INVS: variants seen among roughly 807,000 people sequenced by gnomAD.
The protein encoded by INVS is inversion of embryo turning homolog.
INVS carries 86 observed loss-of-function variants against 108.8 expected under a neutral mutation model. The observed-to-expected ratio is 0.79, with a 90% CI of 0.66 to 0.95. The LOEUF is 0.95. Ranked by LOEUF, INVS falls within the 40% of genes least tolerant of loss-of-function variation. The probability of loss-of-function intolerance (pLI) is 0.00; values close to 1 mark genes in which losing one functional copy is unlikely to be tolerated. For synonymous variants in INVS, 455 were observed against 473.5 expected (o/e 0.96, Z 0.51); for missense variants, 1,169 against 1,297.4 (o/e 0.90, Z 1.52).
chr9:100,220,452 T>G (rs1831111266), intron 3 of INVS, among the ~76,000 whole-genome samples: 1 of 152,230 alleles, frequency 6.6e-6, no homozygotes, highest in Non-Finnish European at 1.5e-5. Context: ...TTCAGAAGCA[T>G]GATGGACCTG....
intron 3 of INVS, among the ~76,000 whole-genome samples, chr9:100,133,647 C>T (rs866145535): frequency 6.6e-6 from 1 of 151,994 alleles, no homozygotes; most frequent in Non-Finnish European, 1.5e-5. Flanking sequence ...AAAAGTCTGG[C>T]AATCAATATT....
At chr9:100,172,639 T>C (rs1032645363) in intron 3 of INVS, among the ~76,000 whole-genome samples, 1 of 152,174 alleles carries the variant, frequency 6.6e-6, no homozygotes, top group Non-Finnish European at 1.5e-5. Context: ...GGAGGGGACA[T>C]TGAGCTGCAC....
intron 11 of INVS, among the ~76,000 whole-genome samples, chr9:100,267,215 A>G (rs1397393577): frequency 1.3e-5 from 2 of 152,294 alleles, no homozygotes; most frequent in Non-Finnish European, 2.9e-5. Context: ...AAGTAACTGC[A>G]TGAATTAAGG....
rs758749704 is a variant in INVS, at chr9:100,300,548, C to T, written c.3092-20C>T. The T allele has an allele frequency of 1.4e-6, 2 of 1,412,044 alleles. No homozygotes were observed. Among genetic ancestry groups the T allele is most frequent in the South Asian group, 1.2e-5 (1 of 86,896 alleles). The allele number at this position is 1,412,044 out of a possible 1,614,324, so 87.5% of individuals were successfully genotyped here. On this transcript the variant is annotated intron_variant, in intron 16 of 16. Transcript: ENST00000262457. ...TAAAATTAATAACCTTAATATCTAT[C>T]TGGTATTTGTTTTTAACAGTGAGCA...
At chr9:100,181,523 A>C (rs1023887589) in intron 3 of INVS, among the ~76,000 whole-genome samples, 1 of 152,208 alleles carries the variant, frequency 6.6e-6, no homozygotes, top group Non-Finnish European at 1.5e-5. Context: ...CAATTGCTAC[A>C]AAGAGAATAA....
chr9:100,175,102 G>GA (rs1373023682), intron 3 of INVS: 1 of 255,798 alleles, frequency 3.9e-6, no homozygotes, highest in Non-Finnish European at 7.7e-6. Context: ...ACATCTTCCA[G>GA]AAAAACAGTC....
intron 14 of INVS, among the ~76,000 whole-genome samples, chr9:100,295,301 T>C (rs1370049864): frequency 6.6e-6 from 1 of 152,140 alleles, no homozygotes; most frequent in African/African-American, 2.4e-5. Flanking sequence ...TGGTCTAACA[T>C]GCCCACCTGC....
At chr9:100,222,302 A>G (rs7856932) in intron 3 of INVS, among the ~76,000 whole-genome samples, 25,895 of 152,162 alleles carry the variant, frequency 0.17, 3,295 homozygotes, top group African/African-American at 0.36. Context: ...CATATGCATA[A>G]TAACTTCAGG....
chr9:100,161,364 CAAAAA>C (rs35392930), intron 3 of INVS, among the ~76,000 whole-genome samples: 4 of 12,370 alleles, frequency 3.2e-4, no homozygotes, highest in Non-Finnish European at 4.7e-4. Flanking sequence ...ACTTCCATCT[CAAAAA>C]AAAAAAAAAA....
intron 4 of INVS, among the ~76,000 whole-genome samples, 172 bp from the exon 5 acceptor site, chr9:100,229,488 T>G (rs921120396): frequency 1.3e-5 from 2 of 152,190 alleles, no homozygotes; most frequent in Admixed American, 1.3e-4. Context: ...AATGTTCTAT[T>G]TAATATATTT....
intron 11 of INVS, among the ~76,000 whole-genome samples, chr9:100,272,216 A>G (rs1042443215): frequency 3.3e-5 from 5 of 152,104 alleles, no homozygotes; most frequent in African/African-American, 1.2e-4. Context: ...AAGACTTCCA[A>G]CATCATTTTT....
chr9:100,169,598 G>T (rs544750602), intron 3 of INVS, among the ~76,000 whole-genome samples: 1 of 152,228 alleles, frequency 6.6e-6, no homozygotes, highest in South Asian at 2.1e-4. Context: ...ATTAAATTCA[G>T]TGCATTGCTG....
rs1272714859 is a variant in INVS, at chr9:100,252,924, C to T, written c.1252C>T (p.Leu418=). 4 of 1,613,468 alleles carry T rather than the reference C, an allele frequency of 2.5e-6. No homozygotes were observed. In the Admixed American group the frequency reaches 5.0e-5, roughly 20 times the overall value. The change falls in exon 10 of 17, where the codon CTA becomes TTA. Residue 418 remains leucine (L), a synonymous_variant. Coordinates refer to ENST00000262457, the MANE Select transcript of INVS (RefSeq NM_014425.5). ...TLIKGGARVD[L]VDQDGHSLLH... The stretch of plus-strand genomic sequence containing the variant: ...TTTTCCAGGTGGAGCAAGGGTAGAT[C>T]TAGTTGACCAAGATGGACATTCTCT...
rs939220313 is a variant in INVS at position 100,301,556 on chromosome 9, G to A, written c.*882G>A. On this transcript the variant is annotated 3_prime_UTR_variant, in exon 17 of 17. Transcript: ENST00000262457. ...TTCTGTTGGCAGGGAAGAATGAAAC[G>A]GCACACATCCTAGCATTCTAAGAAC... 4.6e-5 allele frequency among the ~76,000 whole-genome samples: 7 copies of A among 152,110 alleles called. No homozygotes were observed. The highest frequency in any genetic ancestry group is 2.1e-4 in the South Asian group (1 of 4,822).
chr9:100,291,231 T>C (rs772289256), intron 13 of INVS, among the ~76,000 whole-genome samples: 1 of 152,010 alleles, frequency 6.6e-6, no homozygotes, highest in Non-Finnish European at 1.5e-5. Context: ...GCCCAGCTAA[T>C]TTTCGTATTT....
chr9:100,289,852 T>C (rs1005477321), intron 13 of INVS, among the ~76,000 whole-genome samples: 3 of 152,248 alleles, frequency 2.0e-5, no homozygotes, highest in Non-Finnish European at 4.4e-5. Context: ...TGTATGGACA[T>C]AAGTTTTCAA....
chr9:100,266,745 G>A (rs545297557), intron 11 of INVS, among the ~76,000 whole-genome samples: 26 of 152,162 alleles, frequency 1.7e-4, no homozygotes, highest in Middle Eastern at 3.4e-3. Flanking sequence ...GAGTTCACAT[G>A]CCTCTGACAA....
At position 100,300,744 on chromosome 9, in the gene INVS, T is replaced by A; in HGVS notation, c.*70T>A. ...GTGCAGAGTTCAGATTTTCTGCTGA[T>A]AATCTTTTACACCTTGGGAAAACTT... On this transcript the variant is annotated 3_prime_UTR_variant, in exon 17 of 17. Transcript: ENST00000262457. 9.1e-7 allele frequency: 1 copy of A among 1,101,960 alleles called. No individual in the cohort carries two copies. Among genetic ancestry groups the A allele is most frequent in the Non-Finnish European group, 1.4e-6 (1 of 726,834 alleles). The allele number at this position is 1,101,960 out of a possible 1,614,324, so 68.3% of individuals were successfully genotyped here.
chr9:100,157,065 A>G (rs1369650841), intron 3 of INVS, among the ~76,000 whole-genome samples: 1 of 151,592 alleles, frequency 6.6e-6, no homozygotes, highest in South Asian at 2.1e-4. Flanking sequence ...CTTTTTAGCC[A>G]CTTTAAAAAA....
Sources: gnomAD v4.1 joint callset for allele counts (sites outside exome capture counted in the v4.1 genomes callset) on GRCh38, gnomAD v4.1.1 for gene constraint, MANE v1.5 for transcripts, NCBI Gene and HGNC (gene_info 2026-07-23, HGNC 2026-07-21) for gene names.